Variants in TBC1D8 observed in about 807,000 individuals in gnomAD.
TBC1D8 encodes BUB2-like protein 1.
Under a neutral mutation model 118.8 loss-of-function variants are expected in TBC1D8, and 65 were observed. The ratio of observed to expected loss-of-function variants is 0.55; its 90% CI spans 0.45 to 0.67. TBC1D8 has a LOEUF of 0.67. Ranked by LOEUF, TBC1D8 falls within the 30% of genes least tolerant of loss-of-function variation. The pLI, the probability that TBC1D8 is intolerant of heterozygous loss-of-function variation, is 0.00. For synonymous variants in TBC1D8, 566 were observed against 595.8 expected (o/e 0.95, Z 0.73); for missense variants, 1,376 against 1,471.2 (o/e 0.94, Z 1.06).
intron 15 of TBC1D8, among the ~76,000 whole-genome samples, chr2:101,023,409 G>T (rs1680158922): frequency 6.6e-6 from 1 of 152,018 alleles, no homozygotes; most frequent in African/African-American, 2.4e-5. Context: ...GCCTCCCAAA[G>T]TGCTGGGATT....
chr2:101,017,903 T>G, intron 17 of TBC1D8: 1 of 1,550,904 alleles, frequency 6.4e-7, no homozygotes, highest in South Asian at 1.2e-5. Flanking sequence ...TCACCATCAG[T>G]GAGAAACCGA....
chr2:101,127,402 C>CA (rs1337758604), intron 1 of TBC1D8, among the ~76,000 whole-genome samples: 1 of 151,514 alleles, frequency 6.6e-6, no homozygotes, highest in African/African-American at 2.4e-5. Context: ...CTTAGAATGA[C>CA]AAAAACTCCA....
In TBC1D8 at chr2:101,111,213, A is replaced by G. The variant is rs151234592; in HGVS notation, c.128-20849T>C. 1.2e-3 allele frequency among the ~76,000 whole-genome samples: 184 copies of G among 152,324 alleles called. 1 individual carries two copies. The highest frequency in any genetic ancestry group is 4.2e-3 in the African/African-American group (173 of 41,574). On this transcript the variant is annotated intron_variant, in intron 1 of 19. Coordinates refer to ENST00000409318, the MANE Select transcript of TBC1D8 (RefSeq NM_001330348.2). ...TTTTTACAAAGCATTTCATAATTCAATATCACTCTTAATGAGAGCTCTTAT... is the reference window on the plus strand; with the variant it reads ...TTTTTACAAAGCATTTCATAATTCAGTATCACTCTTAATGAGAGCTCTTAT...
At chr2:101,010,034 G>GACCAA (rs1367299174) in intron 19 of TBC1D8, among the ~76,000 whole-genome samples, 1 of 151,708 alleles carries the variant, frequency 6.6e-6, no homozygotes, top group Non-Finnish European at 1.5e-5. Context: ...CACCATGTTA[G>GACCAA]CCAGGATGGT....
At chr2:101,095,818 CAGTA>C (rs1303984740) in intron 1 of TBC1D8, among the ~76,000 whole-genome samples, 1 of 152,112 alleles carries the variant, frequency 6.6e-6, no homozygotes, top group East Asian at 1.9e-4. Context: ...CTTCTCTAGT[CAGTA>C]AGAAAGCTAA....
At chr2:101,044,293 G>C (rs912142246) in intron 5 of TBC1D8, among the ~76,000 whole-genome samples, 1 of 152,206 alleles carries the variant, frequency 6.6e-6, no homozygotes, top group Non-Finnish European at 1.5e-5. Context: ...ATACAAGATA[G>C]TTAAATTTCC....
At chr2:101,063,222 C>G (rs1439594718) in intron 2 of TBC1D8, among the ~76,000 whole-genome samples, 1 of 152,202 alleles carries the variant, frequency 6.6e-6, no homozygotes, top group South Asian at 2.1e-4. Flanking sequence ...CAAGCTCCAA[C>G]ACAATATATC....
intron 2 of TBC1D8, among the ~76,000 whole-genome samples, chr2:101,066,185 G>A (rs1224992249): frequency 6.6e-6 from 1 of 152,142 alleles, no homozygotes; most frequent in Non-Finnish European, 1.5e-5. Context: ...TCAGGAGGCT[G>A]AGGCAAGAGA....
chr2:101,020,142 T>C (rs963902078), intron 17 of TBC1D8, among the ~76,000 whole-genome samples: 1 of 144,380 alleles, frequency 6.9e-6, no homozygotes, highest in Admixed American at 7.0e-5. Flanking sequence ...CAAAAGCCAA[T>C]TATAAATTTA....
chr2:101,014,082 A>G (rs1250879954), intron 17 of TBC1D8, among the ~76,000 whole-genome samples: 1 of 152,214 alleles, frequency 6.6e-6, no homozygotes, highest in Non-Finnish European at 1.5e-5. Context: ...GGAGGCAGGG[A>G]TCATACATCC....
At chr2:101,117,874 CTTTTTT>C (rs35760018) in intron 1 of TBC1D8, among the ~76,000 whole-genome samples, 1 of 116,206 alleles carries the variant, frequency 8.6e-6, no homozygotes, top group African/African-American at 3.3e-5. Context: ...CGCACCCGGC[CTTTTTT>C]TTTTTTTTTT....
At chr2:101,134,179 TCTCTCTCTCTCTCTCTCTCA>T (rs1440043475) in intron 1 of TBC1D8, among the ~76,000 whole-genome samples, 2 of 91,776 alleles carry the variant, frequency 2.2e-5, no homozygotes, top group Admixed American at 2.2e-4. Flanking sequence ...TTTCTCTCTC[TCTCTCTCTCTCTCTCTCTCA>T]CACACACACA....
chr2:101,074,539 C>A (rs6543012), intron 2 of TBC1D8, among the ~76,000 whole-genome samples: 133,967 of 152,266 alleles, frequency 0.88, 59,362 homozygotes, highest in African/African-American at 0.97. Flanking sequence ...AGTACAATAA[C>A]GTGAAACACA....
In TBC1D8 at chr2:101,041,506, T is replaced by TA. The variant is rs371977240; in HGVS notation, c.873-1122dup. Among the ~76,000 whole-genome samples the TA allele has an allele frequency of 1.9e-3, 290 of 151,764 alleles. 1 individual carries two copies. The highest frequency in any genetic ancestry group is 6.2e-3 in the African/African-American group (258 of 41,352). On this transcript the variant is annotated intron_variant, in intron 5 of 19. Transcript: ENST00000409318. ...TAAGCAAATCTCTAGAGACAGAAAA[T>TA]AGATTACTGATTGCTCAGGGCTTGG...
chr2:101,092,678 C>T (rs957599470), intron 1 of TBC1D8, among the ~76,000 whole-genome samples: 5 of 152,232 alleles, frequency 3.3e-5, no homozygotes, highest in Admixed American at 2.0e-4. Flanking sequence ...GTGTCCTCAT[C>T]GTTCTTCATA....
chr2:101,111,552 C>G (rs1231115406), intron 1 of TBC1D8, among the ~76,000 whole-genome samples: 2 of 152,188 alleles, frequency 1.3e-5, no homozygotes, highest in Admixed American at 1.3e-4. Flanking sequence ...TGAGCAGTCA[C>G]CTGCACATGG....
intron 2 of TBC1D8, among the ~76,000 whole-genome samples, chr2:101,066,672 C>T (rs1573968835): frequency 6.6e-6 from 1 of 152,064 alleles, no homozygotes; most frequent in Non-Finnish European, 1.5e-5. Flanking sequence ...ACTGGCCTGG[C>T]GCAGTGGCTC....
intron 19 of TBC1D8, among the ~76,000 whole-genome samples, chr2:101,009,923 G>A (rs1465151406): frequency 6.6e-6 from 1 of 150,912 alleles, no homozygotes; most frequent in Non-Finnish European, 1.5e-5. Context: ...CCGGGTTCAT[G>A]CCATTCTCCT....
chr2:101,140,772 T>C (rs2104277662), intron 1 of TBC1D8, among the ~76,000 whole-genome samples: 1 of 151,482 alleles, frequency 6.6e-6, no homozygotes, highest in East Asian at 1.9e-4. Flanking sequence ...TTTTTTTTTT[T>C]TTTTTTTGAG....
Sources: allele counts gnomAD v4.1 joint callset (sites outside exome capture counted in the v4.1 genomes callset), GRCh38; gene constraint gnomAD v4.1.1; transcripts MANE v1.5; gene names NCBI Gene and HGNC (gene_info 2026-07-23, HGNC 2026-07-21).